SMAP1: variants seen among roughly 807,000 people sequenced by gnomAD.
SMAP1 encodes the protein stromal membrane-associated protein 1.
In SMAP1, 24 loss-of-function variants were observed where a neutral mutation model predicts 58.5. That is an observed-to-expected ratio of 0.41 (90% CI 0.30 to 0.58). The LOEUF is 0.58. Among genes scored for constraint, SMAP1 ranks in the 20% least tolerant of loss-of-function variants. The pLI, the probability that SMAP1 is intolerant of heterozygous loss-of-function variation, is 0.29. For synonymous variants in SMAP1, 216 were observed against 196.6 expected, an observed-to-expected ratio of 1.10 and a Z score of -0.82; for missense variants, 563 against 566.3, an observed-to-expected ratio of 0.99 and a Z score of 0.06.
intron 7 of SMAP1, among the ~76,000 whole-genome samples, chr6:70,840,567 C>T (rs1414870222): frequency 2.0e-5 from 3 of 151,860 alleles, no homozygotes; most frequent in African/African-American, 7.3e-5. Flanking sequence ...AATGAGCATG[C>T]TTGTGTTCCG....
At chr6:70,761,121 A>T (rs565475906) in intron 3 of SMAP1, among the ~76,000 whole-genome samples, 93 of 152,166 alleles carry the variant, frequency 6.1e-4, no homozygotes, top group African/African-American at 2.2e-3. Flanking sequence ...GTTGTCTTTC[A>T]AATGGTATAT....
chr6:70,791,854 A>G (rs1474151037), intron 5 of SMAP1, 85 bp downstream of exon 5: 13 of 1,095,700 alleles, frequency 1.2e-5, no homozygotes, highest in African/African-American at 1.6e-5. Flanking sequence ...CGGGAACACT[A>G]TAATAGTTGT....
intron 3 of SMAP1, among the ~76,000 whole-genome samples, chr6:70,771,580 G>C (rs145020931): frequency 0.024 from 3,616 of 152,274 alleles, 142 homozygotes; most frequent in African/African-American, 0.083. Flanking sequence ...ATCTCCTGGT[G>C]CACCGTTTTT....
intron 7 of SMAP1, among the ~76,000 whole-genome samples, chr6:70,844,563 A>C (rs1770919919): frequency 6.6e-6 from 1 of 152,246 alleles, no homozygotes; most frequent in African/African-American, 2.4e-5. Flanking sequence ...TTATCTTTTA[A>C]GACCATGTTA....
intron 6 of SMAP1, among the ~76,000 whole-genome samples, chr6:70,805,118 C>A (rs911019907): frequency 2.0e-5 from 3 of 152,088 alleles, no homozygotes; most frequent in African/African-American, 7.2e-5. Context: ...TTCATTCTCC[C>A]CATCACTTTC....
intron 1 of SMAP1, among the ~76,000 whole-genome samples, chr6:70,710,776 A>G (rs1213601522): frequency 6.6e-6 from 1 of 152,200 alleles, no homozygotes; most frequent in African/African-American, 2.4e-5. Context: ...TTTTGTAATA[A>G]CAGTTTAAGA....
At chr6:70,814,238 G>A (rs370931518) in intron 6 of SMAP1, among the ~76,000 whole-genome samples, 31 of 152,042 alleles carry the variant, frequency 2.0e-4, no homozygotes, top group African/African-American at 4.6e-4. Context: ...GACATTCTTC[G>A]TTGTGGATCG....
chr6:70,791,760 T>C lies in SMAP1; in HGVS notation c.486T>C (p.Asn162=). 1 of 1,613,090 alleles carries C rather than the reference T, an allele frequency of 6.2e-7. No homozygotes were observed. The highest frequency in any genetic ancestry group is 8.5e-7 in the Non-Finnish European group (1 of 1,179,390). ...SPSLQAAVDK[N]KLEKEKEKKK... ...CTCTGCAAGCTGCTGTTGACAAAAA[T>C]AAATTGGAGGTATGGTCATGTTTTA... is the stretch of plus-strand genomic sequence containing the variant. Residue 162 remains asparagine, a synonymous_variant, in exon 5 of 11, where the codon AAT becomes AAC. Coordinates refer to ENST00000370455, the MANE Select transcript of SMAP1 (RefSeq NM_001044305.3).
intron 1 of SMAP1, among the ~76,000 whole-genome samples, chr6:70,685,568 A>G (rs569998693): frequency 6.6e-6 from 1 of 152,298 alleles, no homozygotes; most frequent in Admixed American, 6.5e-5. Flanking sequence ...TGGCAAAGTT[A>G]TTTCATGTAG....
chr6:70,798,795 T>C (rs1483970450), intron 6 of SMAP1, 58 bp downstream of exon 6: 1 of 1,271,626 alleles, frequency 7.9e-7, no homozygotes, highest in Non-Finnish European at 1.1e-6. Context: ...TGTATACTTA[T>C]ATATTAATGA....
At chr6:70,765,592 C>A (rs929820444) in intron 3 of SMAP1, among the ~76,000 whole-genome samples, 1 of 152,056 alleles carries the variant, frequency 6.6e-6, no homozygotes, top group African/African-American at 2.4e-5. Flanking sequence ...CACCTCCTAC[C>A]ATAATGAAGT....
intron 2 of SMAP1, among the ~76,000 whole-genome samples, chr6:70,741,812 C>A (rs541465907): frequency 6.6e-6 from 1 of 152,224 alleles, no homozygotes; most frequent in Admixed American, 6.5e-5. Flanking sequence ...TTCCATATAT[C>A]CTCTGAAATC....
At chr6:70,852,244 T>G (rs558213467) in intron 7 of SMAP1, among the ~76,000 whole-genome samples, 44 of 152,214 alleles carry the variant, frequency 2.9e-4, no homozygotes, top group African/African-American at 9.4e-4. Flanking sequence ...ATCTATGATC[T>G]TATTAAAAAA....
intron 1 of SMAP1, among the ~76,000 whole-genome samples, chr6:70,704,634 A>G (rs933195734): frequency 2.0e-5 from 3 of 152,214 alleles, no homozygotes; most frequent in Non-Finnish European, 2.9e-5. Flanking sequence ...TCCTGCTAAA[A>G]TGCAAACAAG....
rs1352079056 is a variant in SMAP1, at chr6:70,691,796, T to G, written c.118+23655T>G. 2.6e-5 allele frequency among the ~76,000 whole-genome samples: 4 copies of G among 152,202 alleles called. No individual in the cohort carries two copies. In the East Asian group the frequency reaches 7.7e-4, roughly 29 times the overall value. On this transcript the variant is annotated intron_variant, in intron 1 of 10. Transcript: ENST00000370455. ...GTTGCAGATGACAGGACCTCATTCG[T>G]TTTTATTGCTGAATATAGTACTCCA...
intron 7 of SMAP1, among the ~76,000 whole-genome samples, chr6:70,842,462 G>A (rs1022805639): frequency 2.6e-5 from 4 of 152,166 alleles, no homozygotes; most frequent in Non-Finnish European, 5.9e-5. Context: ...AACGGGTGCC[G>A]CTGGGTGAGT....
intron 7 of SMAP1, among the ~76,000 whole-genome samples, chr6:70,851,354 A>C (rs1771177680): frequency 6.6e-6 from 1 of 152,246 alleles, no homozygotes; most frequent in African/African-American, 2.4e-5. Context: ...TGGTGGAAAT[A>C]TGAATGAGAT....
At chr6:70,760,908 A>AATAGTGC (rs1309336410) in intron 3 of SMAP1, among the ~76,000 whole-genome samples, 1 of 152,056 alleles carries the variant, frequency 6.6e-6, no homozygotes, top group African/African-American at 2.4e-5. Context: ...GTGCATGACA[A>AATAGTGC]ATGATAAAGC....
intron 2 of SMAP1, among the ~76,000 whole-genome samples, chr6:70,734,230 T>C: frequency 6.6e-6 from 1 of 151,908 alleles, no homozygotes; most frequent in East Asian, 1.9e-4. Context: ...ACTGCAGCGT[T>C]TGTCTCCTGG....
Sources: allele counts gnomAD v4.1 joint callset (sites outside exome capture counted in the v4.1 genomes callset), GRCh38; gene constraint gnomAD v4.1.1; transcripts MANE v1.5; gene names NCBI Gene and HGNC (gene_info 2026-07-23, HGNC 2026-07-21).